Variants in CBLN2 observed in about 807,000 individuals in gnomAD.
The protein encoded by CBLN2 is cerebellin-2.
CBLN2 carries 7 observed loss-of-function variants against 15.0 expected under a neutral mutation model. The ratio of observed to expected loss-of-function variants is 0.47; its 90% confidence interval spans 0.27 to 0.88. The LOEUF is 0.88. Among genes scored for constraint, CBLN2 ranks in the 40% least tolerant of loss-of-function variants. The pLI, the probability that CBLN2 is intolerant of heterozygous loss-of-function variation, is 0.14. For missense variants in CBLN2, 242 were observed against 304.5 expected (o/e 0.79, Z 1.53); for synonymous variants, 149 against 135.2 (o/e 1.10, Z -0.71).
At chr18:72,630,528 C>G (rs1205364583) in intron 1 of CBLN2, among the ~76,000 whole-genome samples, 3 of 137,762 alleles carry the variant, frequency 2.2e-5, no homozygotes, top group Non-Finnish European at 3.0e-5. Context: ...ACACCCTGCA[C>G]AACTCACAAC....
At chr18:72,593,358 T>C (rs985194030) in intron 1 of CBLN2, among the ~76,000 whole-genome samples, 14 of 152,356 alleles carry the variant, frequency 9.2e-5, no homozygotes, top group African/African-American at 3.4e-4. Flanking sequence ...ATGTTGACTT[T>C]GTATCTTGAA....
At chr18:72,621,378 T>C (rs942082895) in intron 1 of CBLN2, among the ~76,000 whole-genome samples, 2 of 152,206 alleles carry the variant, frequency 1.3e-5, no homozygotes, top group African/African-American at 4.8e-5. Flanking sequence ...GATATATTTG[T>C]GTTATATTAT....
At chr18:72,631,933 T>G (rs8093484) in intron 1 of CBLN2, among the ~76,000 whole-genome samples, 1 of 151,562 alleles carries the variant, frequency 6.6e-6, no homozygotes, top group African/African-American at 2.4e-5. Flanking sequence ...ATCAACGATT[T>G]TGATGTACTA....
chr18:72,548,507 A>T (rs1302888147), upstream of CBLN2, among the ~76,000 whole-genome samples: 1 of 152,216 alleles, frequency 6.6e-6, no homozygotes, highest in Non-Finnish European at 1.5e-5. Context: ...AGAGTTGCTC[A>T]TTGCCCAAAC....
At chr18:72,620,304 A>G (rs1002218356) in intron 1 of CBLN2, 2 of 152,154 alleles carry the variant, frequency 1.3e-5, no homozygotes, top group African/African-American at 4.8e-5. Flanking sequence ...TCTGTCATCC[A>G]GGAAAAATGA....
rs1470732378 is a variant in CBLN2, at chr18:72,622,748, CA to C, written c.15+15576del. Among the ~76,000 whole-genome samples, 3 of 152,102 alleles carry C rather than the reference CA, an allele frequency of 2.0e-5. No homozygotes were observed. In the East Asian group the frequency reaches 5.8e-4, roughly 29 times the overall value. ...CACTGTCTTTGAGATCACTTTTGAT[CA>C]AAATGCTGTAGTGAAAAATGACAGG... is the stretch of plus-strand genomic sequence containing the variant. On this transcript the variant is annotated intron_variant, in intron 1 of 2. Transcript: ENST00000581073.
At chr18:72,562,386 G>A (rs982092381) in intron 1 of CBLN2, among the ~76,000 whole-genome samples, 2 of 152,152 alleles carry the variant, frequency 1.3e-5, no homozygotes, top group African/African-American at 4.8e-5. Context: ...CTCAAGCACA[G>A]GAATGAAATC....
At chr18:72,569,729 A>G (rs1324482317) in intron 1 of CBLN2, among the ~76,000 whole-genome samples, 1 of 152,100 alleles carries the variant, frequency 6.6e-6, no homozygotes, top group African/African-American at 2.4e-5. Context: ...CGTGTGAACT[A>G]CCAGAGTGGG....
chr18:72,638,389 T>A (rs538766236), exon 1 of CBLN2: 2 of 398,536 alleles, frequency 5.0e-6, no homozygotes, highest in Non-Finnish European at 8.8e-6. Flanking sequence ...CTGAAGAATG[T>A]TGTCCAGTAA....
At chr18:72,557,189 C>G (rs996578482) in intron 1 of CBLN2, among the ~76,000 whole-genome samples, 1 of 151,816 alleles carries the variant, frequency 6.6e-6, no homozygotes, top group Admixed American at 6.6e-5. Context: ...AATTTTAAAT[C>G]TTTGATTTTC....
At chr18:72,629,894 A>G (rs2069763569) in intron 1 of CBLN2, among the ~76,000 whole-genome samples, 1 of 152,194 alleles carries the variant, frequency 6.6e-6, no homozygotes, top group East Asian at 1.9e-4. Context: ...CAATTTTTAT[A>G]TTTATATTTT....
intron 1 of CBLN2, among the ~76,000 whole-genome samples, chr18:72,637,563 T>C (rs1387041918): frequency 6.6e-6 from 1 of 152,182 alleles, no homozygotes; most frequent in Non-Finnish European, 1.5e-5. Context: ...ACAGGAAGAC[T>C]TTTCTTGTCA....
intron 1 of CBLN2, among the ~76,000 whole-genome samples, chr18:72,552,241 G>T (rs1487718124): frequency 2.0e-5 from 3 of 151,686 alleles, no homozygotes; most frequent in Admixed American, 6.6e-5. Flanking sequence ...GCACCACCAA[G>T]CCCAGCTAAT....
intron 1 of CBLN2, among the ~76,000 whole-genome samples, chr18:72,638,065 A>G (rs1451834151): frequency 6.6e-6 from 1 of 152,186 alleles, no homozygotes; most frequent in East Asian, 1.9e-4. Context: ...GGGCCCTGCT[A>G]TTTCTACCTG....
chr18:72,538,471 TC>T (rs1006250058), intron 4 of CBLN2, 98 bp from the exon 5 acceptor site: 2 of 1,459,760 alleles, frequency 1.4e-6, no homozygotes, highest in African/African-American at 2.8e-5. Context: ...CCCCCATCCT[TC>T]CCTTAGAGTA....
At chr18:72,540,878 C>T (rs1018839286) in intron 3 of CBLN2, among the ~76,000 whole-genome samples, 2 of 152,194 alleles carry the variant, frequency 1.3e-5, no homozygotes, top group Non-Finnish European at 2.9e-5. Context: ...CGCCCCATTC[C>T]GTGGGAAACA....
intron 1 of CBLN2, among the ~76,000 whole-genome samples, chr18:72,559,704 A>T (rs920476320): frequency 2.6e-5 from 4 of 152,080 alleles, no homozygotes; most frequent in African/African-American, 9.7e-5. Context: ...TATCCGTTTG[A>T]TTTTTTCGAG....
chr18:72,563,028 C>A (rs1300333391), intron 1 of CBLN2, among the ~76,000 whole-genome samples: 2 of 152,178 alleles, frequency 1.3e-5, no homozygotes, highest in South Asian at 2.1e-4. Flanking sequence ...TTAGAGAAGT[C>A]TCTCATTAAA....
intron 1 of CBLN2, among the ~76,000 whole-genome samples, chr18:72,604,459 G>A (rs934111621): frequency 6.6e-6 from 1 of 152,076 alleles, no homozygotes; most frequent in African/African-American, 2.4e-5. Flanking sequence ...TTTTTAAGAT[G>A]GAATATTCTG....
Sources: gnomAD v4.1 joint callset for allele counts (sites outside exome capture counted in the v4.1 genomes callset) on GRCh38, gnomAD v4.1.1 for gene constraint, MANE v1.5 for transcripts, NCBI Gene and HGNC (gene_info 2026-07-23, HGNC 2026-07-21) for gene names.